ATF7IP: variants seen among roughly 807,000 people sequenced by gnomAD.
ATF7IP encodes the protein activating transcription factor 7-interacting protein 1.
A neutral mutation model predicts 106.4 loss-of-function variants in ATF7IP; 23 were observed. That is an observed-to-expected ratio of 0.22 (90% CI 0.16 to 0.31). ATF7IP has a LOEUF of 0.31. ATF7IP is among the 10% of genes least tolerant of loss of function. The pLI is 1.00. For missense variants in ATF7IP, 1,334 were observed against 1,524.3 expected (o/e 0.88, Z 2.08); for synonymous variants, 542 against 539.0 (o/e 1.01, Z -0.08).
chr12:14,367,922 C>T (rs1272175870), intron 1 of ATF7IP, among the ~76,000 whole-genome samples: 1 of 151,870 alleles, frequency 6.6e-6, no homozygotes, highest in Non-Finnish European at 1.5e-5. Flanking sequence ...GACACATATC[C>T]AACATATATA....
At chr12:14,401,714 CTTTTTTT>C (rs3083699) in intron 1 of ATF7IP, among the ~76,000 whole-genome samples, 2 of 76,880 alleles carry the variant, frequency 2.6e-5, no homozygotes, top group Non-Finnish European at 4.7e-5. Flanking sequence ...AGAGATTAAG[CTTTTTTT>C]TTTTTTTTTT....
At chr12:14,440,374 CA>C (rs1386111748) in intron 5 of ATF7IP, among the ~76,000 whole-genome samples, 2 of 152,116 alleles carry the variant, frequency 1.3e-5, no homozygotes, top group African/African-American at 4.8e-5. Context: ...CCAAGTTCCT[CA>C]ATTGTGTACC....
chr12:14,471,882 T>C (rs576312433), intron 10 of ATF7IP, among the ~76,000 whole-genome samples: 5 of 152,164 alleles, frequency 3.3e-5, no homozygotes, highest in African/African-American at 4.8e-5. Context: ...TAGGACCCTG[T>C]ATTCATTATC....
rs61758731 is a variant in ATF7IP at position 14,436,179 on chromosome 12, G to C, written c.1719G>C (p.Met573Ile). ...DNVQSKRRRY[M>I]EEEYEAEFQV... Reference sequence around the variant, plus strand: ...TACAGTCTAAACGTCGTCGATATATGGAAGAAGAATATGAGGCAGAATTTC... The same window carrying C: ...TACAGTCTAAACGTCGTCGATATATCGAAGAAGAATATGAGGCAGAATTTC... The change falls in exon 4 of 15, where the codon ATG (methionine) becomes ATC (isoleucine). Residue 573 changes from methionine to isoleucine, a missense_variant. Around this residue, in one of 10 missense-constraint regions of ATF7IP, gnomAD observed 119 missense variants for 117.8 expected, o/e 1.01. Transcript: ENST00000261168. The C allele has an allele frequency of 2.8e-3, 4,557 of 1,613,704 alleles. 17 individuals are homozygous for C. The highest frequency in any genetic ancestry group is 5.0e-3 in the South Asian group (458 of 91,062).
At chr12:14,400,885 AT>A (rs758372733) in intron 1 of ATF7IP, among the ~76,000 whole-genome samples, 56 of 152,190 alleles carry the variant, frequency 3.7e-4, no homozygotes, top group Non-Finnish European at 6.5e-4. Flanking sequence ...TTTTTTGATG[AT>A]TAGGTTGAAT....
chr12:14,442,161 C>A (rs1942743470), intron 5 of ATF7IP, among the ~76,000 whole-genome samples: 1 of 151,876 alleles, frequency 6.6e-6, no homozygotes, highest in Non-Finnish European at 1.5e-5. Context: ...CTTCTTGTTT[C>A]TCTTCCTATA....
chr12:14,389,778 C>G (rs1939445161), intron 1 of ATF7IP, among the ~76,000 whole-genome samples: 1 of 152,144 alleles, frequency 6.6e-6, no homozygotes, highest in African/African-American at 2.4e-5. Context: ...CAGGCATGCA[C>G]CACCACGCCC....
At chr12:14,471,537 AT>A (rs201823893) in intron 10 of ATF7IP, among the ~76,000 whole-genome samples, 5 of 151,058 alleles carry the variant, frequency 3.3e-5, no homozygotes, top group Admixed American at 6.6e-5. Flanking sequence ...TTACAGCAGC[AT>A]TTTTTTTTAA....
chr12:14,444,908 T>C (rs539174377), intron 5 of ATF7IP, among the ~76,000 whole-genome samples: 9 of 152,074 alleles, frequency 5.9e-5, no homozygotes, highest in African/African-American at 1.7e-4. Flanking sequence ...ATGTGACATA[T>C]ACAAGATGAT....
intron 10 of ATF7IP, among the ~76,000 whole-genome samples, chr12:14,473,288 CTCTGTGTGTGTGTGTGTGTG>C (rs1944128408): frequency 7.1e-6 from 1 of 140,350 alleles, no homozygotes; most frequent in African/African-American, 2.6e-5. Context: ...CTCTCTCTCT[CTCTGTGTGTGTGTGTGTGTG>C]TGTGTGTGTG....
rs79489339 is a variant in ATF7IP at position 14,478,994 on chromosome 12, C to T, written c.3097+522C>T. ...AGTGTTTCTCAAAGTTACTTGGCTG[C>T]GCAAAATAATGTTCACCTAATATCT... On this transcript the variant is annotated intron_variant, in intron 12 of 14. Coordinates refer to ENST00000261168, the MANE Select transcript of ATF7IP (RefSeq NM_018179.5). Among the ~76,000 whole-genome samples the T allele has an allele frequency of 1.4e-3, 207 of 152,206 alleles. 5 individuals are homozygous for T. The East Asian group carries it at 0.035, about 26-fold the overall frequency.
intron 3 of ATF7IP, 91 bp downstream of exon 3, chr12:14,434,514 T>A: frequency 2.3e-6 from 2 of 880,048 alleles, no homozygotes; most frequent in Non-Finnish European, 3.5e-6. Flanking sequence ...TTTTTGCCCA[T>A]GAAATAATTG....
chr12:14,434,235 A>G lies in ATF7IP; in HGVS notation c.1559-102A>G. 4 of 704,316 alleles carry G rather than the reference A, an allele frequency of 5.7e-6. No homozygotes were observed. The East Asian group carries it at 1.1e-4, about 20-fold the overall frequency. The allele number at this position is 704,316 out of a possible 1,614,324, so 43.6% of individuals were successfully genotyped here. A position where few individuals can be genotyped will look rare whatever the true frequency, so the allele number is the denominator to read the frequency against. On this transcript the variant is annotated intron_variant, in intron 2 of 14. Coordinates refer to ENST00000261168, the MANE Select transcript of ATF7IP (RefSeq NM_018179.5). ...TTACATTTTGGGACTCTGATTTCAT[A>G]AAAGGTTGGTTTTGTAACTGGATAG...
rs189976434 is a variant in ATF7IP at position 14,502,041 on chromosome 12, C to T, written c.*3968C>T. On this transcript the variant is annotated 3_prime_UTR_variant, in exon 15 of 15. Transcript: ENST00000261168. ...CACAGTAAGGTACTGCAAAGACCTT[C>T]CTTCCAAATGTTCTCCTTGACTTTA... The T allele has an allele frequency of 6.6e-6, 1 of 152,302 alleles. No individual in the cohort carries two copies. The highest frequency in any genetic ancestry group is 6.5e-5 in the Admixed American group (1 of 15,298). The allele number at this position is 152,302 out of a possible 1,614,324, so 9.4% of individuals were successfully genotyped here.
At chr12:14,459,452 T>G (rs563953092) in intron 8 of ATF7IP, among the ~76,000 whole-genome samples, 266 of 152,348 alleles carry the variant, frequency 1.7e-3, no homozygotes, top group African/African-American at 6.2e-3. Flanking sequence ...ACTGACTTTG[T>G]TTTTTACTGT....
chr12:14,379,068 T>G (rs1938890310), intron 1 of ATF7IP, among the ~76,000 whole-genome samples: 1 of 152,200 alleles, frequency 6.6e-6, no homozygotes, highest in Non-Finnish European at 1.5e-5. Context: ...AATCTAATGT[T>G]AAATCATAAT....
chr12:14,385,483 G>C (rs1939184736), intron 1 of ATF7IP: 1 of 1,272,878 alleles, frequency 7.9e-7, no homozygotes, highest in South Asian at 1.4e-5. Context: ...TACTTAGAGG[G>C]GTGAACTTAG....
chr12:14,461,302 A>G (rs946654867), intron 9 of ATF7IP, among the ~76,000 whole-genome samples, 169 bp downstream of exon 9: 1 of 152,168 alleles, frequency 6.6e-6, no homozygotes, highest in Admixed American at 6.5e-5. Context: ...TGATGTTGCT[A>G]AAATGGGGCT....
At chr12:14,454,524 C>G (rs1943349341) in intron 6 of ATF7IP, among the ~76,000 whole-genome samples, 2 of 152,192 alleles carry the variant, frequency 1.3e-5, no homozygotes, top group African/African-American at 4.8e-5. Flanking sequence ...TTTCTCTTTC[C>G]TTTCTGATGT....
Sources: allele counts gnomAD v4.1 joint callset (sites outside exome capture counted in the v4.1 genomes callset), GRCh38; gene constraint gnomAD v4.1.1; regional missense constraint gnomAD v4.1.1; transcripts MANE v1.5; gene names NCBI Gene and HGNC (gene_info 2026-07-23, HGNC 2026-07-21).